The following CPM variants were observed in gnomAD, a reference collection of about 807,000 sequenced individuals.
CPM encodes the protein renal carboxypeptidase.
In CPM, 35 loss-of-function variants were observed where a neutral mutation model predicts 46.4. The ratio of observed to expected loss-of-function variants is 0.75; its 90% CI spans 0.58 to 1.00. CPM has a LOEUF of 1.00. Ranked by LOEUF, CPM falls within the 50% of genes least tolerant of loss-of-function variation. The pLI, the probability that CPM is intolerant of heterozygous loss-of-function variation, is 0.00. For missense variants in CPM, 422 were observed against 530.4 expected (o/e 0.80, Z 2.01); for synonymous variants, 195 against 195.3 (o/e 1.00, Z 0.01).
At chr12:68,955,121 A>G (rs1888992218) in intron 1 of CPM, among the ~76,000 whole-genome samples, 1 of 152,186 alleles carries the variant, frequency 6.6e-6, no homozygotes. Context: ...CAAGCTGAGC[A>G]CAGCCTGCTG....
intron 4 of CPM, among the ~76,000 whole-genome samples, chr12:68,871,159 C>T (rs759783375): frequency 1.3e-5 from 2 of 152,198 alleles, no homozygotes; most frequent in Non-Finnish European, 2.9e-5. Flanking sequence ...TCCTTCAAGA[C>T]CCGTTCTTGC....
chr12:68,878,116 A>G (rs1886038141), intron 3 of CPM, among the ~76,000 whole-genome samples: 1 of 152,268 alleles, frequency 6.6e-6, no homozygotes, highest in Non-Finnish European at 1.5e-5. Context: ...GAATTTTTCA[A>G]AAGTGAAACT....
upstream of CPM, among the ~76,000 whole-genome samples, chr12:68,933,604 C>T (rs949500662): frequency 6.6e-6 from 1 of 152,034 alleles, no homozygotes; most frequent in Non-Finnish European, 1.5e-5. Context: ...GGAGCCGGGA[C>T]GCATGCGGAG....
At chr12:68,933,218 G>C (rs1253475626), upstream of CPM, 2 of 152,058 alleles carry the variant, frequency 1.3e-5, no homozygotes, top group South Asian at 2.1e-4. Context: ...CAGAGGGCGG[G>C]CGCGCCCGGG....
chr12:68,872,524 A>G (rs1885752868), intron 3 of CPM, among the ~76,000 whole-genome samples: 1 of 152,176 alleles, frequency 6.6e-6, no homozygotes, highest in African/African-American at 2.4e-5. Context: ...AAGTGCTGGG[A>G]TTACAGGCAT....
chr12:68,851,584 C>T lies in CPM; in HGVS notation c.*4853G>A, dbSNP rs1444837764. ...CGAGATCACGGCACTGCACTCCAAC[C>T]TGGGTGTTAGGGCGAGACTCCGTCT... is the stretch of plus-strand genomic sequence containing the variant. On this transcript the variant is annotated 3_prime_UTR_variant, in exon 9 of 9. Coordinates refer to ENST00000551568, the MANE Select transcript of CPM (RefSeq NM_198320.5). 6.7e-6 allele frequency: 1 copy of T among 149,472 alleles called. No homozygotes were observed. Among genetic ancestry groups the T allele is most frequent in the Non-Finnish European group, 1.5e-5 (1 of 67,852 alleles). 9.3% of individuals were successfully genotyped at this position (149,472 alleles called of 1,614,324 possible).
In CPM at chr12:68,891,886, G is replaced by C. The variant is rs143848590; in HGVS notation, c.161-5997C>G. ...AGAGTAGCTGGGACTACAGATGTGT[G>C]CCACCACGGCCAACTCATGTTTGTA... is the stretch of plus-strand genomic sequence containing the variant. On this transcript the variant is annotated intron_variant, in intron 2 of 8. Coordinates refer to ENST00000551568, the MANE Select transcript of CPM (RefSeq NM_198320.5). Among the ~76,000 whole-genome samples, 41 of 152,218 alleles carry C rather than the reference G, an allele frequency of 2.7e-4. No individual in the cohort carries two copies. In the East Asian group the frequency reaches 5.4e-3, roughly 20 times the overall value.
chr12:68,960,924 A>G (rs927957009), intron 1 of CPM, among the ~76,000 whole-genome samples: 4 of 152,204 alleles, frequency 2.6e-5, no homozygotes, highest in South Asian at 4.1e-4. Context: ...ATGATTACCT[A>G]TAACAACTGA....
intron 2 of CPM, among the ~76,000 whole-genome samples, chr12:68,917,293 T>C (rs1454064310): frequency 6.6e-6 from 1 of 152,222 alleles, no homozygotes; most frequent in Admixed American, 6.5e-5. Flanking sequence ...CATCTGCGTT[T>C]ATTGGTTTGT....
chr12:68,962,169 C>A (rs905950449), intron 1 of CPM, among the ~76,000 whole-genome samples: 9 of 144,002 alleles, frequency 6.2e-5, no homozygotes, highest in Middle Eastern at 3.6e-3. Context: ...CACTGCACTC[C>A]AGCCTGGGCG....
At chr12:68,960,550 T>G (rs1756123714) in intron 1 of CPM, among the ~76,000 whole-genome samples, 1 of 152,218 alleles carries the variant, frequency 6.6e-6, no homozygotes, top group Non-Finnish European at 1.5e-5. Context: ...AATGCTTCTT[T>G]ACTTGTACGA....
At chr12:68,857,126 G>A (rs1885011369) in intron 8 of CPM, among the ~76,000 whole-genome samples, 1 of 150,634 alleles carries the variant, frequency 6.6e-6, no homozygotes, top group Non-Finnish European at 1.5e-5. Flanking sequence ...CAAGCCTATT[G>A]CTTCTTTTAA....
At chr12:68,859,311 G>A (rs930066137) in intron 7 of CPM, among the ~76,000 whole-genome samples, 3 of 152,066 alleles carry the variant, frequency 2.0e-5, no homozygotes, top group African/African-American at 2.4e-5. Flanking sequence ...ATATTAGTAC[G>A]TATTATCACA....
intron 8 of CPM, 50 bp from the exon 9 acceptor site, chr12:68,856,729 G>C: frequency 6.3e-7 from 1 of 1,590,398 alleles, no homozygotes; most frequent in Non-Finnish European, 8.6e-7. Context: ...ATGGTTCGTG[G>C]TGCCCACACT....
intron 5 of CPM, chr12:68,843,513 T>C: frequency 4.4e-6 from 1 of 225,938 alleles, no homozygotes; most frequent in Non-Finnish European, 8.8e-6. Flanking sequence ...AACTTCTTGA[T>C]TTATATTTAA....
intron 2 of CPM, among the ~76,000 whole-genome samples, chr12:68,906,311 C>T (rs1338668909): frequency 6.6e-6 from 1 of 152,034 alleles, no homozygotes; most frequent in Non-Finnish European, 1.5e-5. Flanking sequence ...AATCTTGAGG[C>T]GTGAGTTCAG....
At position 68,930,157 on chromosome 12, in the gene CPM, T is replaced by C. The variant is rs576901584; in HGVS notation, c.160+2521A>G. Among the ~76,000 whole-genome samples the C allele has an allele frequency of 5.3e-5, 8 of 152,332 alleles. No homozygotes were observed. In the South Asian group the frequency reaches 1.2e-3, roughly 24 times the overall value. ...GTGCAGTGGCATGATCTTGGCCCAC[T>C]GCAACCTCTGCCTCCTGGGTTCACG... On this transcript the variant is annotated intron_variant, in intron 2 of 8. Transcript: ENST00000551568.
chr12:68,877,675 G>A (rs1194091535), intron 3 of CPM, among the ~76,000 whole-genome samples: 2 of 151,510 alleles, frequency 1.3e-5, no homozygotes, highest in African/African-American at 4.9e-5. Flanking sequence ...TCAAACCACA[G>A]AGCGTTACTG....
Position 68,866,941 on chromosome 12 carries a change from T to C in CPM, c.895A>G (p.Asn299Asp). Residue 299 changes from asparagine (N) to aspartate (D), a missense_variant, in exon 7 of 9, where the codon AAT (asparagine) becomes GAT (aspartate). By Grantham distance (23) the Asn-to-Asp change is conservative (BLOSUM62 1). Coordinates refer to ENST00000551568, the MANE Select transcript of CPM (RefSeq NM_198320.5). ...REEKLPSFWN[N>D]NKASLIEYIK... is the part of the protein sequence containing the mutation. The stretch of plus-strand genomic sequence containing the variant: ...TATTCAATTAATGAGGCTTTGTTAT[T>C]ATTCCAAAAGGATGGAAGCTTCTCC... 6.2e-7 allele frequency: 1 copy of C among 1,614,172 alleles called. No individual in the cohort carries two copies. The highest frequency in any genetic ancestry group is 1.1e-5 in the South Asian group (1 of 91,058).
Sources: gnomAD v4.1 joint callset for allele counts (sites outside exome capture counted in the v4.1 genomes callset) on GRCh38, gnomAD v4.1.1 for gene constraint, MANE v1.5 for transcripts, NCBI Gene and HGNC (gene_info 2026-07-23, HGNC 2026-07-21) for gene names.